The following FBXO27 variants were observed in gnomAD, a reference collection of about 807,000 sequenced individuals.
The protein encoded by FBXO27 is F-box only protein 27.
Under a neutral mutation model 28.3 loss-of-function variants are expected in FBXO27, and 28 were observed. The observed-to-expected ratio is 0.99, with a 90% CI of 0.73 to 1.36. The LOEUF is 1.36. Among genes scored for constraint, FBXO27 ranks in the 40% most tolerant of loss-of-function variants. The probability of loss-of-function intolerance (pLI) is 0.00; values close to 1 mark genes in which losing one functional copy is unlikely to be tolerated. For missense variants in FBXO27, 388 were observed against 394.1 expected (o/e 0.98, Z 0.13); for synonymous variants, 175 against 167.3 (o/e 1.05, Z -0.36).
downstream of FBXO27, among the ~76,000 whole-genome samples, chr19:39,022,757 C>T (rs1024452659): frequency 1.3e-5 from 2 of 152,118 alleles, no homozygotes; most frequent in Non-Finnish European, 2.9e-5. Flanking sequence ...GCTGGGATTA[C>T]AGGCACCTGC....
At position 39,032,533 on chromosome 19, in the gene FBXO27, T is replaced by C. The variant is rs972724636; in HGVS notation, c.-57A>G. The C allele has an allele frequency of 1.0e-4, 33 of 330,752 alleles. No homozygotes were observed. The highest frequency in any genetic ancestry group is 3.8e-5 in the Non-Finnish European group (7 of 181,922). The allele number at this position is 330,752 out of a possible 1,614,324, so 20.5% of individuals were successfully genotyped here. On this transcript the variant is annotated 5_prime_UTR_variant, in exon 1 of 6. Coordinates refer to ENST00000292853, the MANE Select transcript of FBXO27 (RefSeq NM_178820.5). The surrounding 1 kb of genome is among the most constrained non-coding windows in gnomAD (Gnocchi z 4.7). ...GGCCTGGCGGCGCTCCTCGCCGGGATGCCCTAGCTGTGCCGCAAGCTCCCC... is the reference window on the plus strand; with the variant it reads ...GGCCTGGCGGCGCTCCTCGCCGGGACGCCCTAGCTGTGCCGCAAGCTCCCC...
At chr19:39,019,962 AG>A (rs763347218), downstream of FBXO27, among the ~76,000 whole-genome samples, 70 of 152,270 alleles carry the variant, frequency 4.6e-4, no homozygotes, top group Admixed American at 1.2e-3. Context: ...CATGTTGGCC[AG>A]GCTGATCTCA....
At chr19:39,029,595 CAT>C (rs1402387674) in intron 4 of FBXO27, among the ~76,000 whole-genome samples, 1 of 151,996 alleles carries the variant, frequency 6.6e-6, no homozygotes, top group Non-Finnish European at 1.5e-5. Flanking sequence ...GAACGAGAAT[CAT>C]ATGATACTTC....
In FBXO27 at chr19:39,026,982, C is replaced by A; in HGVS notation, c.596G>T (p.Gly199Val). 3 of 1,614,146 alleles carry A rather than the reference C, an allele frequency of 1.9e-6. No individual in the cohort carries two copies. Among genetic ancestry groups the A allele is most frequent in the Non-Finnish European group, 2.5e-6 (3 of 1,180,032 alleles). Reference protein sequence around the residue: ...SDWWGARHDSGCMYRLLVQLL... With the variant: ...SDWWGARHDSVCMYRLLVQLL... The stretch of plus-strand genomic sequence containing the variant: ...TTGGACGAGGAGTCTGTACATACAG[C>A]CGCTGTCGTGTCGGGCTCCCCACCT... The change falls in exon 5 of 6, where the codon GGC (glycine) becomes GTC (valine). Residue 199 changes from glycine (G) to valine (V), a missense_variant. Gly to Val is a moderately radical substitution (Grantham distance 109). Coordinates refer to ENST00000292853, the MANE Select transcript of FBXO27 (RefSeq NM_178820.5).
rs772455923 is a variant in FBXO27 at position 39,031,132 on chromosome 19, T to C, written c.477-8A>G. 5 of 1,613,804 alleles carry C rather than the reference T, an allele frequency of 3.1e-6. No individual in the cohort carries two copies. Among genetic ancestry groups the C allele is most frequent in the East Asian group, 2.2e-5 (1 of 44,894 alleles). On this transcript the variant is annotated splice_region_variant and splice_polypyrimidine_tract_variant and intron_variant, in intron 3 of 5. Transcript: ENST00000292853. ...TGCTTCTTGCAACACCAGCTGGGAA[T>C]GCAGGAGACAGGGTAATGAGAACAG... is the stretch of plus-strand genomic sequence containing the variant.
chr19:39,026,741 G>A, intron 5 of FBXO27, 129 bp downstream of exon 5: 1 of 1,389,608 alleles, frequency 7.2e-7, no homozygotes, highest in Non-Finnish European at 9.9e-7. Context: ...CAAAGTGCTG[G>A]GATTACAGGT....
Position 39,024,397 on chromosome 19 carries a change from T to G in FBXO27, c.*1014A>C, listed in dbSNP as rs1039931037. ...TACTACTGTACCTGGCTAACTTTTG[T>G]ATTTTTTGTAGCGATGGGGGTCTTA... On this transcript the variant is annotated 3_prime_UTR_variant, in exon 6 of 6. Transcript: ENST00000292853. 6.6e-6 allele frequency: 1 copy of G among 152,182 alleles called. No homozygotes were observed. The highest frequency in any genetic ancestry group is 1.9e-4 in the East Asian group (1 of 5,178). The allele number at this position is 152,182 out of a possible 1,614,324, so 9.4% of individuals were successfully genotyped here. A position where few individuals can be genotyped will look rare whatever the true frequency, so the allele number is the denominator to read the frequency against.
chr19:39,032,284 G>C lies in FBXO27; in HGVS notation c.-26-31C>G. On this transcript the variant is annotated intron_variant, in intron 1 of 5. Transcript: ENST00000292853. This position sits in a 1 kb window ranked among gnomAD's most constrained non-coding sequence, Gnocchi z 4.7. ...GGAGAGGAAGGGTCAAGGCGTCAGG[G>C]ACCAGCAGCCTCCGCGGCGCGCAGC... 1 of 1,380,424 alleles carries C rather than the reference G, an allele frequency of 7.2e-7. No individual in the cohort carries two copies. The highest frequency in any genetic ancestry group is 9.3e-7 in the Non-Finnish European group (1 of 1,078,272). 85.5% of individuals were successfully genotyped at this position (1,380,424 alleles called of 1,614,324 possible). A position where few individuals can be genotyped will look rare whatever the true frequency, so the allele number is the denominator to read the frequency against.
chr19:39,031,530 C>T, intron 2 of FBXO27: 2 of 618,386 alleles, frequency 3.2e-6, no homozygotes, highest in Non-Finnish European at 2.8e-6. Flanking sequence ...AAAGCCCTGC[C>T]CCTCCAACCC....
chr19:39,022,830 T>A (rs867968855), downstream of FBXO27, among the ~76,000 whole-genome samples: 14 of 151,572 alleles, frequency 9.2e-5, no homozygotes, highest in Middle Eastern at 6.8e-3. Context: ...AGAGTTTTGC[T>A]CTTGTTGCCC....
At chr19:39,010,431 A>T (rs1353447004) in intron 2 of FBXO27, among the ~76,000 whole-genome samples, 1 of 152,056 alleles carries the variant, frequency 6.6e-6, no homozygotes, top group Non-Finnish European at 1.5e-5. Flanking sequence ...GTATGAGTTT[A>T]TTTCTGGACT....
At chr19:39,026,266 C>A (rs928526743) in intron 5 of FBXO27, among the ~76,000 whole-genome samples, 7 of 152,070 alleles carry the variant, frequency 4.6e-5, no homozygotes, top group Admixed American at 3.3e-4. Flanking sequence ...GCAGAGAGAT[C>A]CCATGGAGAA....
At chr19:39,018,640 T>C (rs1297963777) in intron 1 of FBXO27, among the ~76,000 whole-genome samples, 1 of 152,124 alleles carries the variant, frequency 6.6e-6, no homozygotes, top group Non-Finnish European at 1.5e-5. Context: ...CAGCTGCAGT[T>C]GCCTGACATT....
intron 4 of FBXO27, among the ~76,000 whole-genome samples, chr19:39,027,443 T>C (rs1308743549): frequency 6.6e-6 from 1 of 152,150 alleles, no homozygotes; most frequent in Non-Finnish European, 1.5e-5. Flanking sequence ...CAAAATTCCA[T>C]GCATCTTGTC....
intron 2 of FBXO27, among the ~76,000 whole-genome samples, chr19:39,013,154 G>T (rs1322564253): frequency 1.3e-5 from 2 of 152,148 alleles, no homozygotes; most frequent in Admixed American, 6.6e-5. Flanking sequence ...GAGAAGTGGG[G>T]AAGTAGAGTC....
chr19:39,025,559 A>G lies in FBXO27; in HGVS notation c.709-5T>C, dbSNP rs896526935. On this transcript the variant is annotated splice_region_variant and splice_polypyrimidine_tract_variant and intron_variant, in intron 5 of 5. Coordinates refer to ENST00000292853, the MANE Select transcript of FBXO27 (RefSeq NM_178820.5). ...GTTGGAGAACACGTGGGTGACCTGT[A>G]GGCAGAGGAGGGGCTCAGCTCCATT... 1 of 1,612,098 alleles carries G rather than the reference A, an allele frequency of 6.2e-7. No homozygotes were observed. The highest frequency in any genetic ancestry group is 8.5e-7 in the Non-Finnish European group (1 of 1,178,844).
At position 39,029,195 on chromosome 19, in the gene FBXO27, G is replaced by A. The variant is rs746975518; in HGVS notation, c.572+1834C>T. On this transcript the variant is annotated intron_variant, in intron 4 of 5. Coordinates refer to ENST00000292853, the MANE Select transcript of FBXO27 (RefSeq NM_178820.5). ...AATCCCGGCACTTTAATAGGCTGAG[G>A]TGGGCAGATCACCTGAGGTCAGCAG... Among the ~76,000 whole-genome samples the A allele has an allele frequency of 1.3e-4, 20 of 151,900 alleles. 1 individual carries two copies. The highest frequency in any genetic ancestry group is 6.3e-4 in the South Asian group (3 of 4,798).
rs147861339 is a variant in FBXO27, at chr19:39,011,889, C to T, written c.252+2498G>A. On this transcript the variant is annotated intron_variant, in intron 2 of 2. Coordinates refer to the FBXO27 transcript ENST00000598394. ...GTCATCCCAGGCTGGAGTACAGTGA[C>T]GCAATCTCGGCTCTCTGCAAGCTCC... 3.7e-3 allele frequency among the ~76,000 whole-genome samples: 553 copies of T among 148,516 alleles called. 1 individual carries two copies. Among genetic ancestry groups the T allele is most frequent in the African/African-American group, 0.012 (489 of 40,332 alleles).
Position 39,032,424 on chromosome 19 carries a change from G to A in FBXO27, c.-27+79C>T. On this transcript the variant is annotated intron_variant, in intron 1 of 5. Transcript: ENST00000292853. This position sits in a 1 kb window ranked among gnomAD's most constrained non-coding sequence, Gnocchi z 4.7. ...ATAGCCCCGATATCCCGGAGACCCC[G>A]CGGTCTGTGTGTATGCCCCGAATTG... 2.6e-6 allele frequency: 2 copies of A among 771,356 alleles called. No individual in the cohort carries two copies. Among genetic ancestry groups the A allele is most frequent in the Non-Finnish European group, 1.8e-6 (1 of 546,396 alleles). The allele number at this position is 771,356 out of a possible 1,614,324, so 47.8% of individuals were successfully genotyped here.
Sources: gnomAD v4.1 joint callset for allele counts (sites outside exome capture counted in the v4.1 genomes callset) on GRCh38, gnomAD v4.1.1 for gene constraint, Gnocchi (gnomAD v3.1) non-coding constraint, MANE v1.5 for transcripts, NCBI Gene and HGNC (gene_info 2026-07-23, HGNC 2026-07-21) for gene names.